Variants in GPRIN1 observed in about 807,000 individuals in gnomAD.
The protein encoded by GPRIN1 is G protein-regulated inducer of neurite outgrowth 1.
Under a neutral mutation model 2.8 loss-of-function variants are expected in GPRIN1, and 4 were observed. The ratio of observed to expected loss-of-function variants is 1.45; its 90% CI spans 0.71 to 3.32. The LOEUF (loss-of-function observed/expected upper bound fraction) is 3.32. Ranked by LOEUF, GPRIN1 falls within the 30% of genes most tolerant of loss-of-function variation. The pLI, the probability that GPRIN1 is intolerant of heterozygous loss-of-function variation, is 0.01. For missense variants in GPRIN1, 1,322 were observed against 1,343.4 expected, an observed-to-expected ratio of 0.98 and a Z score of 0.25; for synonymous variants, 589 against 589.9, an observed-to-expected ratio of 1.00 and a Z score of 0.02.
chr5:176,607,523 T>C (rs1275002922), intron 1 of GPRIN1, among the ~76,000 whole-genome samples: 1 of 152,188 alleles, frequency 6.6e-6, no homozygotes, highest in Non-Finnish European at 1.5e-5. Context: ...TTTGTATTTT[T>C]TGTAGAGACA....
At chr5:176,606,457 A>G (rs1759221587) in intron 1 of GPRIN1, among the ~76,000 whole-genome samples, 1 of 152,224 alleles carries the variant, frequency 6.6e-6, no homozygotes, top group Non-Finnish European at 1.5e-5. Context: ...AAACATTAGA[A>G]GATTTCATGT....
At chr5:176,604,073 A>T (rs981854213) in intron 1 of GPRIN1, among the ~76,000 whole-genome samples, 1 of 152,190 alleles carries the variant, frequency 6.6e-6, no homozygotes, top group Non-Finnish European at 1.5e-5. Flanking sequence ...TATTCTTGGG[A>T]CTGGGGATAC....
At chr5:176,604,654 A>G (rs1759197356) in intron 1 of GPRIN1, among the ~76,000 whole-genome samples, 1 of 152,182 alleles carries the variant, frequency 6.6e-6, no homozygotes, top group Non-Finnish European at 1.5e-5. Flanking sequence ...GTATTTAAGC[A>G]GGGAAGTGAA....
chr5:176,602,277 C>G lies in GPRIN1; in HGVS notation c.-43-2400G>C, dbSNP rs1026650467. On this transcript the variant is annotated intron_variant, in intron 1 of 1. Coordinates refer to ENST00000303991, the MANE Select transcript of GPRIN1 (RefSeq NM_052899.3). This position sits in a 1 kb window ranked among gnomAD's most constrained non-coding sequence, Gnocchi z 4.4. ...ATGTAAAACAGCCTCCTCCCCAGCT[C>G]TGGCTGGCATTCTCCACCCTCTTAT... Among the ~76,000 whole-genome samples the G allele has an allele frequency of 5.3e-5, 8 of 152,348 alleles. No homozygotes were observed. Among genetic ancestry groups the G allele is most frequent in the Admixed American group, 4.6e-4 (7 of 15,302 alleles).
In GPRIN1 at chr5:176,596,765, G is replaced by T. The variant is rs763904167; in HGVS notation, c.*43C>A. ...CTAGGGGCCTGTGATCAAGAAGGGA[G>T]CCTGAGAAGGTCGGAAACTCGGGCG... is the stretch of plus-strand genomic sequence containing the variant. On this transcript the variant is annotated 3_prime_UTR_variant, in exon 2 of 2. Coordinates refer to ENST00000303991, the MANE Select transcript of GPRIN1 (RefSeq NM_052899.3). The surrounding 1 kb of genome is among the most constrained non-coding windows in gnomAD (Gnocchi z 5.2). The T allele has an allele frequency of 7.2e-7, 1 of 1,385,144 alleles. No homozygotes were observed. The highest frequency in any genetic ancestry group is 2.7e-5 in the Admixed American group (1 of 37,064). 85.8% of individuals were successfully genotyped at this position (1,385,144 alleles called of 1,614,324 possible).
chr5:176,600,184 G>T (rs113191269), intron 1 of GPRIN1, among the ~76,000 whole-genome samples: 146 of 152,238 alleles, frequency 9.6e-4, no homozygotes, highest in African/African-American at 3.4e-3. Flanking sequence ...GCAATGGCGC[G>T]ATCTCAGCTC....
At position 176,598,766 on chromosome 5, in the gene GPRIN1, A is replaced by G. The variant is rs34285890; in HGVS notation, c.1069T>C (p.Ser357Pro). The G allele has an allele frequency of 2.4e-3, 3,888 of 1,613,576 alleles. 69 individuals carry two copies. The African/African-American group carries it at 0.045, about 18-fold the overall frequency. ...GGCACAGTTTCTACATTTCCCACAG[A>G]TGCGGGATCTGCCATCCCCAAGCAT... is the stretch of plus-strand genomic sequence containing the variant. The part of the protein sequence containing the change: ...PTCLGMADPA[S>P]VGNVETVPAT... Residue 357 changes from serine to proline, a missense_variant, in exon 2 of 2, where the codon TCT becomes CCT. Ser to Pro is a moderately conservative substitution (Grantham distance 74, BLOSUM62 -1). Around this residue, in one of 3 missense-constraint regions of GPRIN1, gnomAD observed 1,117 missense variants for 1,128.6 expected, o/e 0.99. Transcript: ENST00000303991.
chr5:176,608,173 G>C (rs917518057), intron 1 of GPRIN1, among the ~76,000 whole-genome samples: 6 of 151,952 alleles, frequency 3.9e-5, no homozygotes, highest in Admixed American at 1.3e-4. Flanking sequence ...TCCTGCCTGG[G>C]CTTCTCAAAG....
At position 176,596,804 on chromosome 5, in the gene GPRIN1, C is replaced by A. The variant is rs748639847; in HGVS notation, c.*4G>T. The A allele has an allele frequency of 1.4e-6, 2 of 1,428,806 alleles. No homozygotes were observed. Among genetic ancestry groups the A allele is most frequent in the East Asian group, 5.5e-5 (2 of 36,538 alleles). 88.5% of individuals were successfully genotyped at this position (1,428,806 alleles called of 1,614,324 possible). On this transcript the variant is annotated 3_prime_UTR_variant, in exon 2 of 2. Transcript: ENST00000303991. The surrounding 1 kb of genome is among the most constrained non-coding windows in gnomAD (Gnocchi z 5.2). ...GAAACTCGGGCGTACAAAATGGGGG[C>A]AGATCACTCGGCCGTGGGTCCCGCC... is the stretch of plus-strand genomic sequence containing the variant.
In GPRIN1 at chr5:176,597,501, G is replaced by A. The variant is rs745676116; in HGVS notation, c.2334C>T (p.Cys778=). ...CCGGCGGGGGCGCTGCGGCCTCTGG[G>A]CAGGGGCTTCTCTCGGCCCCAGCGG... is the stretch of plus-strand genomic sequence containing the variant. ...LEAAGAERSP[C]PEAAAPPPGP... Residue 778 remains cysteine (C), a synonymous_variant, in exon 2 of 2, where the codon TGC becomes TGT. Coordinates refer to ENST00000303991, the MANE Select transcript of GPRIN1 (RefSeq NM_052899.3). The surrounding 1 kb of genome is among the most constrained non-coding windows in gnomAD (Gnocchi z 6.1). The A allele has an allele frequency of 3.5e-6, 5 of 1,446,794 alleles. No homozygotes were observed. The highest frequency in any genetic ancestry group is 4.6e-6 in the Non-Finnish European group (5 of 1,098,722). The allele number at this position is 1,446,794 out of a possible 1,614,324, so 89.6% of individuals were successfully genotyped here.
At position 176,597,649 on chromosome 5, in the gene GPRIN1, C is replaced by T. The variant is rs1407864927; in HGVS notation, c.2186G>A (p.Arg729His). ...AGACCGGGCTGAGCCGAGGGCTTTG[C>T]GGTCTAACTGCCTGGAGGAGGAGGA... ...KPSSSSRQLD[R>H]KALGSARSPE... Residue 729 changes from arginine (R) to histidine (H), a missense_variant, in exon 2 of 2, where the codon CGC (arginine) becomes CAC (histidine). Arg to His is a conservative substitution (Grantham distance 29). Transcript: ENST00000303991. This position sits in a 1 kb window ranked among gnomAD's most constrained non-coding sequence, Gnocchi z 6.1. 3 of 1,598,894 alleles carry T rather than the reference C, an allele frequency of 1.9e-6. No individual in the cohort carries two copies. Among genetic ancestry groups the T allele is most frequent in the Non-Finnish European group, 2.6e-6 (3 of 1,176,090 alleles).
chr5:176,603,658 G>A (rs1469232606), intron 1 of GPRIN1, among the ~76,000 whole-genome samples: 1 of 152,178 alleles, frequency 6.6e-6, no homozygotes, highest in African/African-American at 2.4e-5. Flanking sequence ...GAACTGGAGT[G>A]CCCATGGGAC....
chr5:176,597,383 C>A lies in GPRIN1; in HGVS notation c.2452G>T (p.Ala818Ser), dbSNP rs1423445705. The A allele has an allele frequency of 7.8e-6, 10 of 1,280,600 alleles. No individual in the cohort carries two copies. The South Asian group carries it at 1.6e-4, about 21-fold the overall frequency. The allele number at this position is 1,280,600 out of a possible 1,614,324, so 79.3% of individuals were successfully genotyped here. A position where few individuals can be genotyped will look rare whatever the true frequency, so the allele number is the denominator to read the frequency against. ...PREDAGTQAG[A>S]QACVSVAVSP... ...ACGGCCACTGAGACGCAGGCCTGCG[C>A]GCCCGCCTGAGTGCCCGCGTCCTCG... is the stretch of plus-strand genomic sequence containing the variant. Residue 818 changes from alanine to serine, a missense_variant, in exon 2 of 2, where the codon GCG becomes TCG. By Grantham distance (99) the Ala-to-Ser change is moderately conservative (BLOSUM62 1). Transcript: ENST00000303991. This position sits in a 1 kb window ranked among gnomAD's most constrained non-coding sequence, Gnocchi z 6.1.
At chr5:176,604,681 C>G (rs1307580654) in intron 1 of GPRIN1, among the ~76,000 whole-genome samples, 1 of 152,120 alleles carries the variant, frequency 6.6e-6, no homozygotes, top group East Asian at 1.9e-4. Context: ...CGCTGTGCCT[C>G]CAGGTTTCCT....
chr5:176,597,877 TCCC>T lies in GPRIN1; in HGVS notation c.1955_1957del (p.Gly652del), dbSNP rs777771255. 1.5e-4 allele frequency: 236 copies of T among 1,613,620 alleles called. 1 individual carries two copies. Among genetic ancestry groups the T allele is most frequent in the Non-Finnish European group, 2.0e-4 (231 of 1,179,946 alleles). Reference sequence around the variant, plus strand: ...CTTTTTCAAACACACAGCCCCTGCTTCCCCTGGTGCTGCAGCGCCCTCTTGCCC... The same window carrying T: ...CTTTTTCAAACACACAGCCCCTGCTTCTGGTGCTGCAGCGCCCTCTTGCCC... On this transcript the variant is annotated inframe_deletion, in exon 2 of 2. Coordinates refer to ENST00000303991, the MANE Select transcript of GPRIN1 (RefSeq NM_052899.3). The surrounding 1 kb of genome is among the most constrained non-coding windows in gnomAD (Gnocchi z 6.1).
intron 1 of GPRIN1, 105 bp from the exon 2 acceptor site, chr5:176,599,982 C>T (rs1401528330): frequency 3.5e-5 from 24 of 695,156 alleles, no homozygotes; most frequent in Middle Eastern, 3.5e-4. Context: ...CTGGTCCCCA[C>T]CTGTCCAGAG....
chr5:176,600,339 G>A (rs1220186055), intron 1 of GPRIN1, among the ~76,000 whole-genome samples: 1 of 152,006 alleles, frequency 6.6e-6, no homozygotes, highest in East Asian at 2.0e-4. Context: ...CCGACCTCAG[G>A]TGATCCGCCC....
In GPRIN1 at chr5:176,602,893, C is replaced by T. The variant is rs753637905; in HGVS notation, c.-43-3016G>A. Among the ~76,000 whole-genome samples, 79 of 152,170 alleles carry T rather than the reference C, an allele frequency of 5.2e-4. No homozygotes were observed. The highest frequency in any genetic ancestry group is 5.1e-4 in the Non-Finnish European group (35 of 68,002). ...ACAGCATCGCTACTGGGATCCCACG[C>T]GTGTAGCCAAGGAAAAGGACACACA... is the stretch of plus-strand genomic sequence containing the variant. On this transcript the variant is annotated intron_variant, in intron 1 of 1. Transcript: ENST00000303991. The surrounding 1 kb of genome is among the most constrained non-coding windows in gnomAD (Gnocchi z 4.4).
chr5:176,599,649 G>C lies in GPRIN1; in HGVS notation c.186C>G (p.Asp62Glu), dbSNP rs746553159. Residue 62 changes from aspartate to glutamate, a missense_variant, in exon 2 of 2, where the codon GAC becomes GAG. Transcript: ENST00000303991. Reference sequence around the variant, plus strand: ...GTCTAGACTCCATGCCTGGGCTTTGGTCAGGGGTGTGCCTGGGGGGTGCAG... The same window carrying C: ...GTCTAGACTCCATGCCTGGGCTTTGCTCAGGGGTGTGCCTGGGGGGTGCAG... ...ASPAPPRHTP[D>E]QSPGMESRHR... 1.9e-6 allele frequency: 3 copies of C among 1,552,120 alleles called. No individual in the cohort carries two copies. The highest frequency in any genetic ancestry group is 1.7e-6 in the Non-Finnish European group (2 of 1,150,202).
Sources: allele counts gnomAD v4.1 joint callset (sites outside exome capture counted in the v4.1 genomes callset), GRCh38; gene constraint gnomAD v4.1.1; regional missense constraint gnomAD v4.1.1; non-coding constraint Gnocchi (gnomAD v3.1); transcripts MANE v1.5; gene names NCBI Gene and HGNC (gene_info 2026-07-23, HGNC 2026-07-21).